Variants in SLC25A26 observed in about 807,000 individuals in gnomAD.
The protein encoded by SLC25A26 is solute carrier family 25 member 26, also known as mitochondrial S-adenosylmethionine carrier protein.
In SLC25A26, 36 loss-of-function variants were observed where a neutral mutation model predicts 37.8. That is an observed-to-expected ratio of 0.95 (90% CI 0.73 to 1.26). The LOEUF is 1.26. SLC25A26 is among the 50% of genes most tolerant of loss of function. SLC25A26 has a pLI of 0.00. For synonymous variants in SLC25A26, 129 were observed against 122.5 expected (o/e 1.05, Z -0.35); for missense variants, 390 against 331.1 (o/e 1.18, Z -1.38).
rs138821977 is a variant in SLC25A26 at position 66,347,606 on chromosome 3, C to T, written c.498+1198C>T. On this transcript the variant is annotated intron_variant, in intron 6 of 9. Transcript: ENST00000354883. ...GTAGAACCAGAAATACCATTTGACC[C>T]AGCAATCCCATTACTGGGTATATAC... Among the ~76,000 whole-genome samples, 777 of 152,262 alleles carry T rather than the reference C, an allele frequency of 5.1e-3. 12 individuals are homozygous for T. Among genetic ancestry groups the T allele is most frequent in the African/African-American group, 0.014 (571 of 41,540 alleles).
intron 3 of SLC25A26, among the ~76,000 whole-genome samples, chr3:66,255,755 C>G (rs782518679): frequency 6.6e-6 from 1 of 152,082 alleles, no homozygotes; most frequent in Admixed American, 6.5e-5. Context: ...TTTGTTGTAG[C>G]TCAAATTCAA....
At chr3:66,168,670 G>A (rs1282802699) in intron 1 of SLC25A26, among the ~76,000 whole-genome samples, 1 of 152,212 alleles carries the variant, frequency 6.6e-6, no homozygotes, top group African/African-American at 2.4e-5. Context: ...ACTGCTTTAA[G>A]TAAAAGCAGG....
chr3:66,162,221 A>T (rs958589541), intron 1 of SLC25A26, among the ~76,000 whole-genome samples: 1 of 152,048 alleles, frequency 6.6e-6, no homozygotes, highest in Non-Finnish European at 1.5e-5. Flanking sequence ...CATGAGTCAC[A>T]TGGGATTAGG....
Position 66,187,297 on chromosome 3 carries a change from G to T in SLC25A26, c.-353-33445G>T, listed in dbSNP as rs2070847407. ...CTTACCCTTCCCCTGACCCTCACCT[G>T]AAAGTGATTCTGACCTTGGATCAAA... is the stretch of plus-strand genomic sequence containing the variant. On this transcript the variant is annotated intron_variant, in intron 1 of 10. Coordinates refer to the SLC25A26 transcript ENST00000676754. 2.0e-5 allele frequency among the ~76,000 whole-genome samples: 3 copies of T among 151,462 alleles called. No individual in the cohort carries two copies. In the South Asian group the frequency reaches 6.3e-4, roughly 32 times the overall value.
chr3:66,377,923 A>G lies in SLC25A26; in HGVS notation c.*116A>G, dbSNP rs1700770925. 5 of 775,214 alleles carry G rather than the reference A, an allele frequency of 6.4e-6. No homozygotes were observed. Among genetic ancestry groups the G allele is most frequent in the Non-Finnish European group, 1.1e-5 (5 of 461,662 alleles). The allele number at this position is 775,214 out of a possible 1,614,324, so 48.0% of individuals were successfully genotyped here. On this transcript the variant is annotated 3_prime_UTR_variant, in exon 10 of 10. Coordinates refer to ENST00000354883, the MANE Select transcript of SLC25A26 (RefSeq NM_001379210.1). ...CCAGTGCTGAAGACCAGTTGTGCTA[A>G]GATACCGGCATGGAGATTGTGCCAT... is the stretch of plus-strand genomic sequence containing the variant.
At chr3:66,149,487 T>C (rs1007719867) in intron 1 of SLC25A26, among the ~76,000 whole-genome samples, 3 of 152,208 alleles carry the variant, frequency 2.0e-5, no homozygotes, top group Non-Finnish European at 2.9e-5. Context: ...TTTCTCACAA[T>C]TGAAACTGAC....
upstream of SLC25A26, among the ~76,000 whole-genome samples, chr3:66,220,587 A>C (rs1553657865): frequency 6.6e-6 from 1 of 152,192 alleles, no homozygotes; most frequent in Non-Finnish European, 1.5e-5. Flanking sequence ...ATAATGAGTT[A>C]ATTTAATATA....
chr3:66,256,532 T>C (rs1351258858), intron 3 of SLC25A26, among the ~76,000 whole-genome samples: 1 of 152,180 alleles, frequency 6.6e-6, no homozygotes, highest in Non-Finnish European at 1.5e-5. Flanking sequence ...ACACCTGTAA[T>C]TCTACTCTGT....
At chr3:66,332,404 G>A (rs1575578189) in intron 5 of SLC25A26, among the ~76,000 whole-genome samples, 1 of 152,080 alleles carries the variant, frequency 6.6e-6, no homozygotes, top group Non-Finnish European at 1.5e-5. Flanking sequence ...TTTATTACAT[G>A]TTGCTATAAC....
intron 6 of SLC25A26, among the ~76,000 whole-genome samples, chr3:66,356,864 A>G (rs1427837411): frequency 1.3e-5 from 2 of 152,022 alleles, no homozygotes. Context: ...CCTGGGCTCA[A>G]GTGATCCTCC....
chr3:66,251,688 A>G (rs1559618694), intron 3 of SLC25A26, among the ~76,000 whole-genome samples: 1 of 152,174 alleles, frequency 6.6e-6, no homozygotes, highest in South Asian at 2.1e-4. Context: ...ACAGGCATGA[A>G]TGTGCTGAAG....
intron 5 of SLC25A26, among the ~76,000 whole-genome samples, chr3:66,303,303 T>C (rs1356096602): frequency 1.3e-5 from 2 of 152,192 alleles, no homozygotes; most frequent in Non-Finnish European, 2.9e-5. Context: ...TGCAAGTATC[T>C]TTAAGGCGCA....
At chr3:66,325,144 C>G (rs1284938023) in intron 5 of SLC25A26, among the ~76,000 whole-genome samples, 4 of 152,178 alleles carry the variant, frequency 2.6e-5, no homozygotes, top group African/African-American at 4.8e-5. Context: ...CTAGTACAAG[C>G]ATTTCCCTCA....
intron 1 of SLC25A26, among the ~76,000 whole-genome samples, chr3:66,205,961 G>T (rs1404883389): frequency 6.6e-6 from 1 of 152,172 alleles, no homozygotes; most frequent in Non-Finnish European, 1.5e-5. Context: ...AATTGATAAA[G>T]TATGCGTAAT....
intron 3 of SLC25A26, among the ~76,000 whole-genome samples, chr3:66,246,154 C>T (rs987177463): frequency 1.3e-5 from 2 of 152,106 alleles, no homozygotes; most frequent in Admixed American, 6.6e-5. Context: ...TAGTTGGTTT[C>T]TTTTTAAAAT....
At chr3:66,159,205 A>C (rs187940453) in intron 1 of SLC25A26, among the ~76,000 whole-genome samples, 4 of 152,356 alleles carry the variant, frequency 2.6e-5, no homozygotes, top group Admixed American at 2.6e-4. Context: ...ACACTGGGAC[A>C]GTGTACATAA....
chr3:66,368,888 C>T (rs1181433643), intron 7 of SLC25A26, among the ~76,000 whole-genome samples: 2 of 151,722 alleles, frequency 1.3e-5, no homozygotes, highest in South Asian at 2.1e-4. Context: ...CATGGTGGTG[C>T]GCAGCTGTAG....
At chr3:66,355,078 TC>T (rs1428768812) in intron 6 of SLC25A26, among the ~76,000 whole-genome samples, 2 of 151,712 alleles carry the variant, frequency 1.3e-5, no homozygotes, top group Non-Finnish European at 2.9e-5. Flanking sequence ...AGAATAAATA[TC>T]CCCCCACATA....
chr3:66,339,706 G>A (rs548013317), intron 5 of SLC25A26, among the ~76,000 whole-genome samples: 2 of 151,724 alleles, frequency 1.3e-5, no homozygotes, highest in South Asian at 4.2e-4. Context: ...TAAATTCTTT[G>A]CTTTTTTAAA....
Sources: gnomAD v4.1 joint callset for allele counts (sites outside exome capture counted in the v4.1 genomes callset) on GRCh38, gnomAD v4.1.1 for gene constraint, MANE v1.5 for transcripts, NCBI Gene and HGNC (gene_info 2026-07-23, HGNC 2026-07-21) for gene names.